The following WDR26 variants were observed in gnomAD, a reference collection of about 807,000 sequenced individuals.
WDR26 encodes the protein WD repeat domain 26, also known as WD repeat-containing protein 26.
A neutral mutation model predicts 84.1 loss-of-function variants in WDR26; 5 were observed. That is an observed-to-expected ratio of 0.06 (90% CI 0.03 to 0.13). The LOEUF (loss-of-function observed/expected upper bound fraction) is 0.13, where lower values mean the gene tolerates loss of function less well. Among genes scored for constraint, WDR26 ranks in the 10% least tolerant of loss-of-function variants. The probability of loss-of-function intolerance (pLI) is 1.00; values close to 1 mark genes in which losing one functional copy is unlikely to be tolerated. For synonymous variants in WDR26, 415 were observed against 389.6 expected (o/e 1.07, Z -0.77); for missense variants, 642 against 974.9 (o/e 0.66, Z 4.55).
intron 6 of WDR26, chr1:224,413,373 C>G (rs1171585222): frequency 8.9e-7 from 1 of 1,124,456 alleles, no homozygotes; most frequent in South Asian, 1.4e-5. Flanking sequence ...AATTAACATT[C>G]TTTATTTGGT....
At chr1:224,431,417 G>A (rs762307927) in intron 3 of WDR26, 60 bp downstream of exon 3, 4 of 1,486,272 alleles carry the variant, frequency 2.7e-6, no homozygotes, top group East Asian at 2.3e-5. Context: ...GAAGCCTAGA[G>A]TTATCAATAA....
In WDR26 at chr1:224,434,044, C is replaced by A; in HGVS notation, c.362G>T (p.Gly121Val). The A allele has an allele frequency of 6.9e-7, 1 of 1,456,250 alleles. No individual in the cohort carries two copies. The highest frequency in any genetic ancestry group is 9.0e-7 in the Non-Finnish European group (1 of 1,109,028). The allele number at this position is 1,456,250 out of a possible 1,614,324, so 90.2% of individuals were successfully genotyped here. A position where few individuals can be genotyped will look rare whatever the true frequency, so the allele number is the denominator to read the frequency against. Reference sequence around the variant, plus strand: ...GGTCTGTCCCTGGCCCCCGCCGCCCCCTCCTCCTCCACCGCCGCCGCCGCC... The same window carrying A: ...GGTCTGTCCCTGGCCCCCGCCGCCCACTCCTCCTCCACCGCCGCCGCCGCC... Residue 121 changes from glycine to valine, a missense_variant, in exon 1 of 14, where the codon GGG becomes GTG. Transcript: ENST00000414423.
Position 224,418,274 on chromosome 1 carries a change from G to A in WDR26, c.1305C>T (p.Asp435=), listed in dbSNP as rs140689711. Residue 435 remains aspartate, a synonymous_variant, in exon 6 of 14, where the codon GAC becomes GAT. Transcript: ENST00000414423. ...TTTCCTCTTACCTACTACAAACATG[G>A]TCTATAAGCAGAGACACAGAATCTA... is the stretch of plus-strand genomic sequence containing the variant. The A allele has an allele frequency of 5.6e-6, 9 of 1,609,808 alleles. No individual in the cohort carries two copies. The highest frequency in any genetic ancestry group is 2.2e-5 in the South Asian group (2 of 89,972).
chr1:224,422,617 G>A (rs1467496915), intron 4 of WDR26, among the ~76,000 whole-genome samples: 1 of 152,108 alleles, frequency 6.6e-6, no homozygotes, highest in African/African-American at 2.4e-5. Flanking sequence ...CAGGAGGCAA[G>A]GCTGAAGCAT....
intron 7 of WDR26, among the ~76,000 whole-genome samples, chr1:224,409,559 C>T (rs1034740345): frequency 2.6e-5 from 4 of 152,136 alleles, no homozygotes; most frequent in Non-Finnish European, 5.9e-5. Flanking sequence ...AAATTCACTT[C>T]TCTTCTAAAA....
chr1:224,431,468 T>C lies in WDR26; in HGVS notation c.927+9A>G. 1.2e-6 allele frequency: 2 copies of C among 1,611,780 alleles called. No homozygotes were observed. Among genetic ancestry groups the C allele is most frequent in the South Asian group, 2.2e-5 (2 of 90,888 alleles). ...ATAAATGTGAAACTAAGAACAAAAG[T>C]GTATTTACCACAATTATTCCCAACA... On this transcript the variant is annotated intron_variant, in intron 3 of 13. Transcript: ENST00000414423.
rs1673425405 is a variant in WDR26, at chr1:224,401,702, G to GAGGAAA, written c.1600-634_1600-633insTTTCCT. Among the ~76,000 whole-genome samples, 2 of 97,768 alleles carry GAGGAAA rather than the reference G, an allele frequency of 2.0e-5. 1 individual carries two copies. The highest frequency in any genetic ancestry group is 2.6e-4 in the Admixed American group (2 of 7,716). The allele number at this position is 97,768 out of a possible 152,430, so 64.1% of individuals were successfully genotyped here. Reference sequence around the variant, plus strand: ...AAAAAAAAAAAAAGAAAAAAAAAAAGAAAAAAGAAAAAAAAAGAGAAAAAC... The same window carrying GAGGAAA: ...AAAAAAAAAAAAAGAAAAAAAAAAAGAGGAAAAAAAAAGAAAAAAAAAGAGAAAAAC... On this transcript the variant is annotated intron_variant, in intron 8 of 13. Coordinates refer to ENST00000414423, the MANE Select transcript of WDR26 (RefSeq NM_001379403.1).
intron 3 of WDR26, among the ~76,000 whole-genome samples, chr1:224,426,051 T>C (rs1162167978): frequency 6.6e-6 from 1 of 152,018 alleles, no homozygotes; most frequent in Non-Finnish European, 1.5e-5. Context: ...AGAGACAGGG[T>C]TTTGCCATGT....
rs546783304 is a variant in WDR26, at chr1:224,400,962, C to T, written c.1707G>A (p.Gln569=). Residue 569 remains glutamine (Q), a synonymous_variant, in exon 9 of 14, where the codon CAG becomes CAA. Transcript: ENST00000414423. ...ACTGAATACTTACACACTGATAGAA[C>T]TGCCCACGCTGACCTCCAGTCACAA... The T allele has an allele frequency of 1.1e-4, 174 of 1,613,908 alleles. 2 individuals are homozygous for T. In the South Asian group the frequency reaches 1.8e-3, roughly 16 times the overall value.
Position 224,434,688 on chromosome 1 carries a change from T to TGCGGCGGCG in WDR26, c.-292_-284dup, listed in dbSNP as rs779741438. On this transcript the variant is annotated 5_prime_UTR_variant, in exon 1 of 14. Coordinates refer to ENST00000414423, the MANE Select transcript of WDR26 (RefSeq NM_001379403.1). ...CGCTGGGCTGAGCCCCGGCAGTGGC[T>TGCGGCGGCG]GCGGCGGCGGCGGCGGCGGGCGGCA... 4.2e-4 allele frequency: 376 copies of TGCGGCGGCG among 895,804 alleles called. 1 individual carries two copies. The highest frequency in any genetic ancestry group is 1.4e-3 in the South Asian group (28 of 20,252). The allele number at this position is 895,804 out of a possible 1,614,324, so 55.5% of individuals were successfully genotyped here. A position where few individuals can be genotyped will look rare whatever the true frequency, so the allele number is the denominator to read the frequency against.
At chr1:224,405,816 G>A (rs1468725086) in intron 7 of WDR26, among the ~76,000 whole-genome samples, 1 of 152,180 alleles carries the variant, frequency 6.6e-6, no homozygotes, top group Non-Finnish European at 1.5e-5. Flanking sequence ...GTTTGTTGTA[G>A]GCTAAGGGGT....
At chr1:224,433,149 C>T (rs2102928490) in intron 1 of WDR26, among the ~76,000 whole-genome samples, 1 of 152,300 alleles carries the variant, frequency 6.6e-6, no homozygotes, top group African/African-American at 2.4e-5. Flanking sequence ...ATCCCAGCCC[C>T]TCCGTTCCCA....
intron 7 of WDR26, among the ~76,000 whole-genome samples, chr1:224,407,172 A>ATATATATAT (rs1491214480): frequency 6.3e-5 from 7 of 111,978 alleles, no homozygotes; most frequent in Middle Eastern, 4.4e-3. Flanking sequence ...ATATATATAT[A>ATATATATAT]ACTCAAAAAC....
At chr1:224,430,264 C>A (rs1674353963) in intron 3 of WDR26, 1 of 151,950 alleles carries the variant, frequency 6.6e-6, no homozygotes, top group Non-Finnish European at 1.5e-5. Context: ...AATTTTACTA[C>A]AGAATTATTT....
rs1317307041 is a variant in WDR26, at chr1:224,434,719, G to C, written c.-314C>G. On this transcript the variant is annotated 5_prime_UTR_variant, in exon 1 of 14. Transcript: ENST00000414423. ...GGCGGCGGCGGCGGGCGGCAGCGGA[G>C]GCAGCTGCCGCCTCTGTCCTCGGAT... The C allele has an allele frequency of 1.0e-6, 1 of 968,248 alleles. No individual in the cohort carries two copies. Among genetic ancestry groups the C allele is most frequent in the Non-Finnish European group, 1.2e-6 (1 of 814,618 alleles). The allele number at this position is 968,248 out of a possible 1,614,324, so 60.0% of individuals were successfully genotyped here.
At position 224,385,660 on chromosome 1, in the gene WDR26, G is replaced by T. The variant is rs755988684; in HGVS notation, c.*4175C>A. ...TTTCTTGATCTCTACAGCTTGGTTTGTAAGTACATACATGCTTTTGTGGAT... is the reference window on the plus strand; with the variant it reads ...TTTCTTGATCTCTACAGCTTGGTTTTTAAGTACATACATGCTTTTGTGGAT... On this transcript the variant is annotated 3_prime_UTR_variant, in exon 14 of 14. Transcript: ENST00000414423. The T allele has an allele frequency of 2.6e-5, 4 of 152,572 alleles. No individual in the cohort carries two copies. Among genetic ancestry groups the T allele is most frequent in the African/African-American group, 9.7e-5 (4 of 41,432 alleles). The allele number at this position is 152,572 out of a possible 1,614,324, so 9.5% of individuals were successfully genotyped here. A position where few individuals can be genotyped will look rare whatever the true frequency, so the allele number is the denominator to read the frequency against.
chr1:224,419,888 C>G (rs1027189223), intron 4 of WDR26, among the ~76,000 whole-genome samples: 10 of 102,404 alleles, frequency 9.8e-5, no homozygotes, highest in African/African-American at 3.5e-4. Flanking sequence ...CAGGTTCTAG[C>G]ACTCAACACA....
intron 4 of WDR26, among the ~76,000 whole-genome samples, chr1:224,420,823 C>A (rs1404962244): frequency 6.6e-6 from 1 of 152,126 alleles, no homozygotes; most frequent in Non-Finnish European, 1.5e-5. Flanking sequence ...TGGTCTTGAT[C>A]TCCTGACCTC....
rs563211609 is a variant in WDR26, at chr1:224,423,843, G to T, written c.1064+675C>A. On this transcript the variant is annotated intron_variant, in intron 4 of 13. Transcript: ENST00000414423. ...AGAGCCACTGGTATACAGATAGTAT[G>T]TGAAGGCATGGTATAGAATGAGATT... Among the ~76,000 whole-genome samples the T allele has an allele frequency of 3.9e-5, 6 of 152,346 alleles. No homozygotes were observed. The South Asian group carries it at 1.2e-3, about 32-fold the overall frequency.
Sources: allele counts gnomAD v4.1 joint callset (sites outside exome capture counted in the v4.1 genomes callset), GRCh38; gene constraint gnomAD v4.1.1; transcripts MANE v1.5; gene names NCBI Gene and HGNC (gene_info 2026-07-23, HGNC 2026-07-21).